Variants in EDDM13 observed in about 807,000 individuals in gnomAD.
EDDM13 encodes epididymal protein 13.
Under a neutral mutation model 17.8 loss-of-function variants are expected in EDDM13, and 24 were observed. The ratio of observed to expected loss-of-function variants is 1.35; its 90% CI spans 0.98 to 1.90. EDDM13 has a LOEUF of 1.90. EDDM13 is among the 40% of genes most tolerant of loss of function. EDDM13 has a pLI of 0.00. For synonymous variants in EDDM13, 31 were observed against 37.5 expected (o/e 0.83, Z 0.63); for missense variants, 97 against 100.8 (o/e 0.96, Z 0.16).
intron 12 of EDDM13, among the ~76,000 whole-genome samples, chr19:56,298,413 G>A (rs926858479): frequency 7.2e-5 from 11 of 152,164 alleles, no homozygotes; most frequent in East Asian, 1.9e-4. Flanking sequence ...CGAGGCAGGC[G>A]GATCACAAGG....
intron 9 of EDDM13, among the ~76,000 whole-genome samples, chr19:56,293,737 G>A (rs1283068003): frequency 6.6e-6 from 1 of 152,174 alleles, no homozygotes; most frequent in Non-Finnish European, 1.5e-5. Flanking sequence ...AATGCCTAGA[G>A]ATATTTTTGG....
At chr19:56,282,556 G>A (rs1050388031) in intron 4 of EDDM13, 57 bp downstream of exon 4, 2 of 969,950 alleles carry the variant, frequency 2.1e-6, no homozygotes, top group Admixed American at 1.2e-4. Flanking sequence ...TGTCCAAAAG[G>A]GATCATTGCT....
chr19:56,277,885 T>C (rs375753038), intron 2 of EDDM13, among the ~76,000 whole-genome samples: 3 of 152,154 alleles, frequency 2.0e-5, no homozygotes, highest in Admixed American at 6.5e-5. Context: ...AAACCACTTG[T>C]ACCCCTAAAG....
intron 13 of EDDM13, among the ~76,000 whole-genome samples, chr19:56,302,563 C>T (rs10418624): frequency 0.097 from 9,008 of 92,764 alleles, 534 homozygotes; most frequent in East Asian, 0.17. Context: ...CTCCCTCCCC[C>T]CTTCCTTTTC....
At chr19:56,304,891 T>A (rs1462124940) in intron 14 of EDDM13, 61 bp downstream of exon 14, 1 of 670,978 alleles carries the variant, frequency 1.5e-6, no homozygotes, top group Admixed American at 6.3e-5. Flanking sequence ...GGGAGGTTCA[T>A]CCCAACTGCC....
At chr19:56,308,628 T>G (rs2040851386) in intron 14 of EDDM13, among the ~76,000 whole-genome samples, 1 of 147,688 alleles carries the variant, frequency 6.8e-6, no homozygotes, top group Non-Finnish European at 1.5e-5. Context: ...CCCCCCATAT[T>G]AAATCATTTC....
chr19:56,300,745 C>T (rs563835614), intron 12 of EDDM13, among the ~76,000 whole-genome samples: 3 of 151,992 alleles, frequency 2.0e-5, no homozygotes, highest in Admixed American at 2.0e-4. Context: ...TTTGCCTGTA[C>T]ACTGGTAATG....
chr19:56,300,331 G>A (rs942976877), intron 12 of EDDM13, among the ~76,000 whole-genome samples: 4 of 152,162 alleles, frequency 2.6e-5, no homozygotes, highest in African/African-American at 9.7e-5. Flanking sequence ...GAACTTGACA[G>A]CTCTATTTGC....
At chr19:56,291,953 T>C (rs2147161408) in intron 9 of EDDM13, among the ~76,000 whole-genome samples, 1 of 152,294 alleles carries the variant, frequency 6.6e-6, no homozygotes, top group South Asian at 2.1e-4. Context: ...GTGTTATGTG[T>C]AGTTATTCCC....
intron 12 of EDDM13, among the ~76,000 whole-genome samples, chr19:56,301,504 C>CA (rs2040229444): frequency 6.6e-6 from 1 of 152,166 alleles, no homozygotes; most frequent in African/African-American, 2.4e-5. Flanking sequence ...TGGGTTTTGG[C>CA]AGCTTCTTTA....
At chr19:56,296,715 G>A (rs1451474885) in intron 11 of EDDM13, among the ~76,000 whole-genome samples, 1 of 152,088 alleles carries the variant, frequency 6.6e-6, no homozygotes, top group African/African-American at 2.4e-5. Context: ...ATAGAGTAAT[G>A]GGGATGGAAA....
intron 12 of EDDM13, among the ~76,000 whole-genome samples, chr19:56,299,108 A>G (rs1195139523): frequency 6.6e-6 from 1 of 152,160 alleles, no homozygotes; most frequent in African/African-American, 2.4e-5. Flanking sequence ...GATACAGAAA[A>G]AGAATATGGT....
chr19:56,293,332 C>T (rs916501746), intron 9 of EDDM13, among the ~76,000 whole-genome samples: 3 of 152,128 alleles, frequency 2.0e-5, no homozygotes, highest in Admixed American at 1.3e-4. Context: ...CAGAGAATAA[C>T]TTAAGCCCAG....
In EDDM13 at chr19:56,284,822, T is replaced by C. The variant is rs548374583; in HGVS notation, c.128-176T>C. On this transcript the variant is annotated intron_variant, in intron 5 of 14. Transcript: ENST00000649256. Reference sequence around the variant, plus strand: ...GCCACTGCGCCTGGCCTTGCTATGATTGATAGAGGTAGGAAAGGGGATTAA... The same window carrying C: ...GCCACTGCGCCTGGCCTTGCTATGACTGATAGAGGTAGGAAAGGGGATTAA... Among the ~76,000 whole-genome samples the C allele has an allele frequency of 1.4e-4, 21 of 152,200 alleles. No homozygotes were observed. The East Asian group carries it at 1.9e-3, about 14-fold the overall frequency.
At chr19:56,302,416 ATCCC>A (rs1355726759) in intron 13 of EDDM13, among the ~76,000 whole-genome samples, 10 of 86,104 alleles carry the variant, frequency 1.2e-4, no homozygotes, top group South Asian at 3.5e-4. Context: ...TCCTCCCTTC[ATCCC>A]TCCCTTTCTC....
intron 6 of EDDM13, 66 bp downstream of exon 6, chr19:56,285,090 T>C (rs565452216): frequency 4.2e-5 from 35 of 833,554 alleles, no homozygotes; most frequent in South Asian, 5.5e-5. Context: ...TGTAGACTTA[T>C]TGAGTCATTT....
chr19:56,290,717 G>A (rs2039452425), intron 8 of EDDM13, among the ~76,000 whole-genome samples, 124 bp from the exon 9 acceptor site: 1 of 152,140 alleles, frequency 6.6e-6, no homozygotes, highest in Non-Finnish European at 1.5e-5. Flanking sequence ...TACATAAACA[G>A]TTTAAAATAG....
chr19:56,303,292 A>G (rs2040468199), intron 13 of EDDM13, among the ~76,000 whole-genome samples: 1 of 152,024 alleles, frequency 6.6e-6, no homozygotes, highest in Admixed American at 6.6e-5. Context: ...AGCCTGGTCA[A>G]CATGGTGAAA....
intron 6 of EDDM13, among the ~76,000 whole-genome samples, chr19:56,285,873 T>C (rs2039078482): frequency 6.6e-6 from 1 of 152,200 alleles, no homozygotes; most frequent in South Asian, 2.1e-4. Flanking sequence ...CAAATTCCTA[T>C]CTGTTAAGTT....
Sources: gnomAD v4.1 joint callset for allele counts (sites outside exome capture counted in the v4.1 genomes callset) on GRCh38, gnomAD v4.1.1 for gene constraint, MANE v1.5 for transcripts, NCBI Gene and HGNC (gene_info 2026-07-23, HGNC 2026-07-21) for gene names.